Variants in KCNIP4 observed in about 807,000 individuals in gnomAD.
The protein encoded by KCNIP4 is potassium voltage-gated channel interacting protein 4.
Under a neutral mutation model 34.0 loss-of-function variants are expected in KCNIP4, and 12 were observed. The observed-to-expected ratio is 0.35, with a 90% CI of 0.23 to 0.57. The LOEUF (loss-of-function observed/expected upper bound fraction) is 0.57. KCNIP4 is among the 20% of genes least tolerant of loss of function. The probability of loss-of-function intolerance (pLI) is 0.83; values close to 1 mark genes in which losing one functional copy is unlikely to be tolerated. For synonymous variants in KCNIP4, 124 were observed against 102.2 expected (o/e 1.21, Z -1.29); for missense variants, 238 against 311.7 (o/e 0.76, Z 1.78).
At chr4:21,845,934 C>A (rs1271324441) in intron 1 of KCNIP4, 1 of 151,826 alleles carries the variant, frequency 6.6e-6, no homozygotes, top group Non-Finnish European at 1.5e-5. Context: ...CAATAACAGT[C>A]ATATTAAATA....
chr4:21,589,200 A>G (rs1176237697), intron 1 of KCNIP4, among the ~76,000 whole-genome samples: 20 of 33,102 alleles, frequency 6.0e-4, no homozygotes, highest in Non-Finnish European at 9.7e-4. Context: ...ATATATATAT[A>G]TGTGTACATA....
At chr4:21,512,502 A>T (rs533599619) in intron 1 of KCNIP4, among the ~76,000 whole-genome samples, 1 of 152,284 alleles carries the variant, frequency 6.6e-6, no homozygotes, top group African/African-American at 2.4e-5. Flanking sequence ...ACAAAAAAAA[A>T]ATCTAAGAAA....
intron 1 of KCNIP4, among the ~76,000 whole-genome samples, chr4:21,225,917 A>T (rs2109010165): frequency 6.6e-6 from 1 of 152,206 alleles, no homozygotes; most frequent in African/African-American, 2.4e-5. Context: ...CATACTTATT[A>T]TCAAGTCTCT....
intron 1 of KCNIP4, among the ~76,000 whole-genome samples, chr4:21,368,881 C>T (rs1264208188): frequency 6.8e-6 from 1 of 147,358 alleles, no homozygotes; most frequent in Non-Finnish European, 1.5e-5. Context: ...GAAAGAATAA[C>T]AGGGCAAAAT....
At chr4:21,196,477 A>G (rs1334891412) in intron 1 of KCNIP4, among the ~76,000 whole-genome samples, 2 of 152,154 alleles carry the variant, frequency 1.3e-5, no homozygotes, top group Non-Finnish European at 2.9e-5. Context: ...TTTACTTTAC[A>G]CCATGCAGAT....
chr4:20,876,904 T>G (rs183300444), intron 2 of KCNIP4, among the ~76,000 whole-genome samples: 1 of 152,190 alleles, frequency 6.6e-6, no homozygotes, highest in Non-Finnish European at 1.5e-5. Context: ...AGTGTGACTC[T>G]AAGTCTGACT....
Position 21,470,638 on chromosome 4 carries a change from G to A in KCNIP4, c.61+477933C>T, listed in dbSNP as rs1020527759. On this transcript the variant is annotated intron_variant, in intron 1 of 8. Coordinates refer to ENST00000382152, the MANE Select transcript of KCNIP4 (RefSeq NM_025221.6). ...AGTTCCAGCTAGGGAGCTGGCAGGAGAGATGAAGAAGCATATGAAAAAATA... is the reference window on the plus strand; with the variant it reads ...AGTTCCAGCTAGGGAGCTGGCAGGAAAGATGAAGAAGCATATGAAAAAATA... 2.6e-5 allele frequency among the ~76,000 whole-genome samples: 4 copies of A among 152,080 alleles called. No homozygotes were observed. In the South Asian group the frequency reaches 8.3e-4, roughly 32 times the overall value.
chr4:21,348,277 G>T (rs996595227), intron 1 of KCNIP4, among the ~76,000 whole-genome samples: 7 of 152,146 alleles, frequency 4.6e-5, no homozygotes, highest in Admixed American at 1.3e-4. Context: ...ATGATGAAAA[G>T]AACTGTTTTT....
At chr4:21,463,479 T>G (rs909548081) in intron 1 of KCNIP4, among the ~76,000 whole-genome samples, 4 of 152,060 alleles carry the variant, frequency 2.6e-5, no homozygotes, top group Admixed American at 2.6e-4. Flanking sequence ...ATTCTGGACA[T>G]TCATATAAAT....
At chr4:20,864,164 GTA>G (rs1209918408) in intron 2 of KCNIP4, among the ~76,000 whole-genome samples, 20 of 71,312 alleles carry the variant, frequency 2.8e-4, no homozygotes, top group African/African-American at 6.6e-4. Context: ...GCATACACAT[GTA>G]TGTATACACA....
chr4:21,182,577 T>C (rs1754920696), intron 1 of KCNIP4, among the ~76,000 whole-genome samples: 1 of 152,048 alleles, frequency 6.6e-6, no homozygotes. Flanking sequence ...ATGGTGTACA[T>C]TGTACCCATT....
rs549022075 is a variant in KCNIP4, at chr4:21,054,434, G to A, written c.62-171725C>T. The stretch of plus-strand genomic sequence containing the variant: ...CTCAGGAGGCTGAGACAAGAGAATC[G>A]CATGAACCTGGGAGGCAGAGGTTGC... On this transcript the variant is annotated intron_variant, in intron 1 of 8. Transcript: ENST00000382152. Among the ~76,000 whole-genome samples, 30 of 151,526 alleles carry A rather than the reference G, an allele frequency of 2.0e-4. 1 individual carries two copies. The highest frequency in any genetic ancestry group is 1.3e-3 in the South Asian group (6 of 4,782).
At chr4:21,472,454 A>C (rs535151927) in intron 1 of KCNIP4, among the ~76,000 whole-genome samples, 1 of 152,118 alleles carries the variant, frequency 6.6e-6, no homozygotes, top group Non-Finnish European at 1.5e-5. Context: ...TGGGGGGGTT[A>C]ATATTACTAC....
At chr4:21,475,147 T>A (rs1031612089) in intron 1 of KCNIP4, among the ~76,000 whole-genome samples, 2 of 152,194 alleles carry the variant, frequency 1.3e-5, no homozygotes, top group African/African-American at 4.8e-5. Flanking sequence ...TATTAGGAGT[T>A]TAACAGGCCA....
chr4:21,294,271 G>A (rs1763710089), intron 1 of KCNIP4, among the ~76,000 whole-genome samples: 2 of 152,044 alleles, frequency 1.3e-5, no homozygotes, highest in Admixed American at 1.3e-4. Flanking sequence ...CTGAGCACCA[G>A]GCACTTAGGA....
chr4:21,436,348 C>T, intron 1 of KCNIP4, among the ~76,000 whole-genome samples: 1 of 152,168 alleles, frequency 6.6e-6, no homozygotes, highest in East Asian at 1.9e-4. Flanking sequence ...TACTTAGGTT[C>T]CAGGAACTTG....
At chr4:20,811,161 A>T (rs553834074) in intron 3 of KCNIP4, among the ~76,000 whole-genome samples, 2 of 152,276 alleles carry the variant, frequency 1.3e-5, no homozygotes, top group East Asian at 1.9e-4. Flanking sequence ...CAGTTCTCAA[A>T]CCTATCTTAG....
chr4:20,976,060 T>G (rs547693289), intron 1 of KCNIP4, among the ~76,000 whole-genome samples: 2 of 152,226 alleles, frequency 1.3e-5, no homozygotes, highest in Non-Finnish European at 2.9e-5. Flanking sequence ...GGCTGGCCAC[T>G]GCTTGAGAAT....
chr4:21,405,041 C>T (rs1040738548), intron 1 of KCNIP4, among the ~76,000 whole-genome samples: 2 of 152,152 alleles, frequency 1.3e-5, no homozygotes, highest in Non-Finnish European at 2.9e-5. Context: ...ACTCTGGGTT[C>T]ATCTGATCAT....
Sources: allele counts gnomAD v4.1 joint callset (sites outside exome capture counted in the v4.1 genomes callset), GRCh38; gene constraint gnomAD v4.1.1; transcripts MANE v1.5; gene names NCBI Gene and HGNC (gene_info 2026-07-23, HGNC 2026-07-21).